KIF6: variants seen among roughly 807,000 people sequenced by gnomAD.
The protein encoded by KIF6 is kinesin family member 6.
Under a neutral mutation model 112.7 loss-of-function variants are expected in KIF6, and 106 were observed. That is an observed-to-expected ratio of 0.94 (90% CI 0.80 to 1.11). The LOEUF is 1.11. Among genes scored for constraint, KIF6 ranks in the 50% least tolerant of loss-of-function variants. KIF6 has a pLI of 0.00. For synonymous variants in KIF6, 339 were observed against 339.9 expected (o/e 1.00, Z 0.03); for missense variants, 929 against 964.0 (o/e 0.96, Z 0.48).
intron 2 of KIF6, 186 bp from the exon 3 acceptor site, chr6:39,714,952 G>A: frequency 1.5e-5 from 8 of 549,296 alleles, no homozygotes; most frequent in South Asian, 6.9e-5. Context: ...GTATACAAAT[G>A]GTGGGTAAAC....
intron 13 of KIF6, among the ~76,000 whole-genome samples, chr6:39,498,002 CA>C (rs1332853377): frequency 2.0e-5 from 3 of 152,050 alleles, no homozygotes; most frequent in Non-Finnish European, 4.4e-5. Flanking sequence ...CCATAATTCC[CA>C]AACTTTAGGT....
At position 39,346,085 on chromosome 6, in the gene KIF6, T is replaced by TCTCTCTCTCTCTCTCTC. The variant is rs1212794740; in HGVS notation, c.2232-297_2232-296insGAGAGAGAGAGAGAGAG. On this transcript the variant is annotated intron_variant, in intron 20 of 22. Coordinates refer to ENST00000287152, the MANE Select transcript of KIF6 (RefSeq NM_145027.6). The stretch of plus-strand genomic sequence containing the variant: ...CTCTCTCTCTCTCTCTCTCTCTCTC[T>TCTCTCTCTCTCTCTCTC]CCCCCCCCTCTCCCTCCCCCCCTCC... 6.9e-4 allele frequency among the ~76,000 whole-genome samples: 15 copies of TCTCTCTCTCTCTCTCTC among 21,604 alleles called. 4 individuals carry two copies. Among genetic ancestry groups the TCTCTCTCTCTCTCTCTC allele is most frequent in the Admixed American group, 1.9e-3 (3 of 1,598 alleles). The allele number at this position is 21,604 out of a possible 152,430, so 14.2% of individuals were successfully genotyped here. A position where few individuals can be genotyped will look rare whatever the true frequency, so the allele number is the denominator to read the frequency against.
chr6:39,340,851 G>C (rs1763289014), intron 22 of KIF6, among the ~76,000 whole-genome samples: 1 of 152,078 alleles, frequency 6.6e-6, no homozygotes, highest in African/African-American at 2.4e-5. Flanking sequence ...TTGCTTGCTT[G>C]TAGGCTTCTT....
chr6:39,358,896 G>A (rs1348024306), intron 18 of KIF6, among the ~76,000 whole-genome samples: 1 of 152,154 alleles, frequency 6.6e-6, no homozygotes, highest in African/African-American at 2.4e-5. Flanking sequence ...ATTTCATCAT[G>A]ACTTTGAAGT....
intron 5 of KIF6, among the ~76,000 whole-genome samples, chr6:39,627,158 A>G (rs1285277601): frequency 6.6e-6 from 1 of 152,146 alleles, no homozygotes; most frequent in African/African-American, 2.4e-5. Flanking sequence ...ACTAACTGTC[A>G]CAGAACAAGC....
intron 13 of KIF6, among the ~76,000 whole-genome samples, chr6:39,494,480 G>C (rs113423240): frequency 0.026 from 3,994 of 152,186 alleles, 92 homozygotes; most frequent in Non-Finnish European, 0.037. Context: ...CTAGAGAAGA[G>C]GTAGATACTT....
chr6:39,518,940 C>T (rs1777219618), intron 13 of KIF6, among the ~76,000 whole-genome samples: 2 of 152,176 alleles, frequency 1.3e-5, no homozygotes, highest in Admixed American at 1.3e-4. Flanking sequence ...TGAGTTGATG[C>T]TCATCATGCA....
intron 10 of KIF6, among the ~76,000 whole-genome samples, chr6:39,546,177 ACT>A (rs1779060907): frequency 6.6e-6 from 1 of 151,176 alleles, no homozygotes; most frequent in African/African-American, 2.4e-5. Context: ...CTACTCTTTC[ACT>A]CTCTGTCAAT....
chr6:39,382,580 A>C (rs1562156570), intron 16 of KIF6, among the ~76,000 whole-genome samples: 3 of 152,038 alleles, frequency 2.0e-5, no homozygotes, highest in Non-Finnish European at 4.4e-5. Context: ...GGGCACCTAG[A>C]TTGATTCCAT....
At chr6:39,356,293 G>A (rs1405397742) in intron 19 of KIF6, among the ~76,000 whole-genome samples, 1 of 150,428 alleles carries the variant, frequency 6.6e-6, no homozygotes, top group Non-Finnish European at 1.5e-5. Context: ...TTTTTGAGAC[G>A]GAGTCTCTGT....
In KIF6 at chr6:39,601,617, A is replaced by G. The variant is rs533881440; in HGVS notation, c.640-5357T>C. On this transcript the variant is annotated intron_variant, in intron 6 of 22. Coordinates refer to ENST00000287152, the MANE Select transcript of KIF6 (RefSeq NM_145027.6). The stretch of plus-strand genomic sequence containing the variant: ...TGTATTACTTCCTGGAACCTGGACA[A>G]TCTAAATCTAATATTGCCAGTAAAT... Among the ~76,000 whole-genome samples, 11 of 152,112 alleles carry G rather than the reference A, an allele frequency of 7.2e-5. No individual in the cohort carries two copies. The South Asian group carries it at 2.3e-3, about 32-fold the overall frequency.
chr6:39,661,863 A>G (rs965055755), intron 3 of KIF6, among the ~76,000 whole-genome samples: 4 of 152,180 alleles, frequency 2.6e-5, no homozygotes, highest in Admixed American at 2.0e-4. Flanking sequence ...GAAAAATACA[A>G]ATCAGGTCAG....
At chr6:39,453,699 A>G (rs1772848016) in intron 13 of KIF6, among the ~76,000 whole-genome samples, 2 of 152,276 alleles carry the variant, frequency 1.3e-5, no homozygotes, top group African/African-American at 4.8e-5. Context: ...TAGTTGATAA[A>G]GAATCAATAA....
intron 3 of KIF6, among the ~76,000 whole-genome samples, chr6:39,664,887 T>C (rs759156305): frequency 6.6e-6 from 1 of 152,164 alleles, no homozygotes; most frequent in Non-Finnish European, 1.5e-5. Context: ...TTTATTTACA[T>C]TTTTAAAAGG....
chr6:39,352,677 C>T (rs892951975), intron 19 of KIF6, among the ~76,000 whole-genome samples: 11 of 150,502 alleles, frequency 7.3e-5, no homozygotes, highest in Non-Finnish European at 1.2e-4. Context: ...GATCTCGGCT[C>T]ACTGCAACCT....
At chr6:39,590,818 AC>A (rs2150673283) in intron 7 of KIF6, among the ~76,000 whole-genome samples, 1 of 152,276 alleles carries the variant, frequency 6.6e-6, no homozygotes, top group African/African-American at 2.4e-5. Flanking sequence ...AGAAAATGTA[AC>A]CCAAACTGGT....
chr6:39,621,839 T>C (rs983117333), intron 5 of KIF6, among the ~76,000 whole-genome samples: 1 of 152,160 alleles, frequency 6.6e-6, no homozygotes, highest in African/African-American at 2.4e-5. Flanking sequence ...AAATGTTCTG[T>C]TTAATTTACA....
At chr6:39,575,472 A>C (rs183719964) in intron 10 of KIF6, among the ~76,000 whole-genome samples, 1 of 151,918 alleles carries the variant, frequency 6.6e-6, no homozygotes, top group East Asian at 1.9e-4. Context: ...GGGTTTCACC[A>C]TGTTGGCCAG....
At chr6:39,450,790 G>A (rs1229370994) in intron 13 of KIF6, among the ~76,000 whole-genome samples, 1 of 152,200 alleles carries the variant, frequency 6.6e-6, no homozygotes, top group Non-Finnish European at 1.5e-5. Context: ...GGGTGACAAA[G>A]TGAGATGCTG....
Sources: gnomAD v4.1 joint callset for allele counts (sites outside exome capture counted in the v4.1 genomes callset) on GRCh38, gnomAD v4.1.1 for gene constraint, MANE v1.5 for transcripts, NCBI Gene and HGNC (gene_info 2026-07-23, HGNC 2026-07-21) for gene names.